Variants in PAPPA2 observed in about 807,000 individuals in gnomAD.
PAPPA2 encodes pappalysin-2.
PAPPA2 carries 86 observed loss-of-function variants against 176.4 expected under a neutral mutation model. The observed-to-expected ratio is 0.49, with a 90% CI of 0.41 to 0.58. The LOEUF (loss-of-function observed/expected upper bound fraction) is 0.58. Among genes scored for constraint, PAPPA2 ranks in the 20% least tolerant of loss-of-function variants. The pLI, the probability that PAPPA2 is intolerant of heterozygous loss-of-function variation, is 0.00. For missense variants in PAPPA2, 2,073 were observed against 2,256.9 expected (o/e 0.92, Z 1.65); for synonymous variants, 809 against 852.2 (o/e 0.95, Z 0.88).
chr1:176,623,673 C>CTTTCTTTCTTTT (rs1558479372), intron 3 of PAPPA2, among the ~76,000 whole-genome samples: 2 of 113,356 alleles, frequency 1.8e-5, no homozygotes, highest in Admixed American at 9.2e-5. Context: ...CTTTCTTTTT[C>CTTTCTTTCTTTT]TTTCTTTCTT....
At chr1:176,530,987 T>G (rs775936043) in intron 1 of PAPPA2, among the ~76,000 whole-genome samples, 8 of 152,230 alleles carry the variant, frequency 5.3e-5, no homozygotes, top group African/African-American at 1.9e-4. Flanking sequence ...CATGAAAGTC[T>G]CATTAAGCAC....
chr1:176,841,741 G>T (rs576860942), intron 22 of PAPPA2, among the ~76,000 whole-genome samples: 1 of 152,214 alleles, frequency 6.6e-6, no homozygotes, highest in South Asian at 2.1e-4. Flanking sequence ...AACAATGGGT[G>T]GGTAGATGCA....
At chr1:176,510,362 C>T (rs1648521992) in intron 1 of PAPPA2, among the ~76,000 whole-genome samples, 1 of 152,050 alleles carries the variant, frequency 6.6e-6, no homozygotes, top group African/African-American at 2.4e-5. Flanking sequence ...GAAACTAAAG[C>T]AAACAGAACA....
intron 1 of PAPPA2, among the ~76,000 whole-genome samples, chr1:176,469,800 G>A (rs539367819): frequency 2.6e-5 from 4 of 152,266 alleles, no homozygotes; most frequent in South Asian, 2.1e-4. Flanking sequence ...TCTGGGATGC[G>A]TCAGACACTT....
intron 21 of PAPPA2, among the ~76,000 whole-genome samples, chr1:176,828,594 A>G (rs1666949121): frequency 6.6e-6 from 1 of 152,160 alleles, no homozygotes; most frequent in South Asian, 2.1e-4. Flanking sequence ...ATATGTGTAT[A>G]TAAGTACATA....
At chr1:176,623,647 C>CTTTCT (rs1558479185) in intron 3 of PAPPA2, among the ~76,000 whole-genome samples, 2 of 129,000 alleles carry the variant, frequency 1.6e-5, no homozygotes, top group African/African-American at 6.2e-5. Context: ...TTCTTTCTTT[C>CTTTCT]TTTCTTTCTT....
chr1:176,684,633 T>C (rs957186316), intron 4 of PAPPA2, among the ~76,000 whole-genome samples: 1 of 152,104 alleles, frequency 6.6e-6, no homozygotes, highest in Admixed American at 6.6e-5. Context: ...TAAAAATTAA[T>C]GGTTTTGAGT....
In PAPPA2 at chr1:176,840,253, C is replaced by T. The variant is rs377578582; in HGVS notation, c.5283C>T (p.Ser1761=). The change falls in exon 22 of 23, where the codon TCC becomes TCT. Residue 1761 remains serine, a synonymous_variant. Transcript: ENST00000367662. ...ATGACGGGGGAGACTGCTGCTCTTC[C>T]ACACTCTCCTCCAAGAAGGTGAGTG... is the stretch of plus-strand genomic sequence containing the variant. The part of the protein sequence containing the change: ...CHYDGGDCCS[S]TLSSKKVIPF... The T allele has an allele frequency of 7.0e-5, 113 of 1,612,544 alleles. No homozygotes were observed. Among genetic ancestry groups the T allele is most frequent in the Non-Finnish European group, 9.0e-5 (106 of 1,179,000 alleles).
intron 2 of PAPPA2, among the ~76,000 whole-genome samples, chr1:176,560,970 C>A (rs571042904): frequency 6.6e-6 from 1 of 152,170 alleles, no homozygotes; most frequent in African/African-American, 2.4e-5. Flanking sequence ...ATGCAAAGCA[C>A]GGCAAGGCCC....
intron 17 of PAPPA2, among the ~76,000 whole-genome samples, chr1:176,784,503 T>G (rs1247504419): frequency 2.0e-5 from 3 of 152,108 alleles, no homozygotes; most frequent in Non-Finnish European, 4.4e-5. Context: ...ACACATTTGT[T>G]TCTCACAGGT....
chr1:176,615,945 G>A (rs557447504), intron 3 of PAPPA2, among the ~76,000 whole-genome samples: 43 of 152,240 alleles, frequency 2.8e-4, no homozygotes, highest in African/African-American at 9.1e-4. Flanking sequence ...CTTATGTATC[G>A]ATAAGATTCT....
chr1:176,784,074 C>T (rs896297821), intron 17 of PAPPA2, among the ~76,000 whole-genome samples: 31 of 152,154 alleles, frequency 2.0e-4, no homozygotes, highest in Admixed American at 2.0e-3. Context: ...TTGGGTAAAT[C>T]GCTTCATGGT....
chr1:176,840,007 T>G (rs981832286), intron 21 of PAPPA2, among the ~76,000 whole-genome samples, 166 bp from the exon 22 acceptor site: 1 of 152,112 alleles, frequency 6.6e-6, no homozygotes, highest in African/African-American at 2.4e-5. Context: ...GTCTTGAGAT[T>G]TTTTCAACTT....
intron 3 of PAPPA2, among the ~76,000 whole-genome samples, chr1:176,619,081 C>G (rs1655438837): frequency 6.6e-6 from 1 of 152,064 alleles, no homozygotes; most frequent in South Asian, 2.1e-4. Context: ...TGGTATCACC[C>G]AGGTAAACCA....
At chr1:176,565,359 C>T (rs376815158) in intron 2 of PAPPA2, among the ~76,000 whole-genome samples, 4 of 152,272 alleles carry the variant, frequency 2.6e-5, no homozygotes, top group African/African-American at 9.6e-5. Flanking sequence ...TAGTAATCCT[C>T]ATGAATGCAT....
At chr1:176,631,313 T>C (rs966182226) in intron 3 of PAPPA2, among the ~76,000 whole-genome samples, 1 of 152,174 alleles carries the variant, frequency 6.6e-6, no homozygotes, top group Non-Finnish European at 1.5e-5. Flanking sequence ...ATTCCACTTA[T>C]ATTACATACC....
intron 1 of PAPPA2, among the ~76,000 whole-genome samples, chr1:176,501,299 A>G (rs1647948756): frequency 6.6e-6 from 1 of 152,148 alleles, no homozygotes; most frequent in Non-Finnish European, 1.5e-5. Flanking sequence ...TATCACGTTT[A>G]ACAATTAGTC....
chr1:176,840,135 A>G, intron 21 of PAPPA2, 38 bp from the exon 22 acceptor site: 1 of 1,487,622 alleles, frequency 6.7e-7, no homozygotes, highest in African/African-American at 1.4e-5. Flanking sequence ...AGACATAATA[A>G]GGCTATACTG....
intron 1 of PAPPA2, among the ~76,000 whole-genome samples, chr1:176,541,900 T>C (rs188643808): frequency 5.9e-5 from 9 of 152,356 alleles, no homozygotes; most frequent in Admixed American, 3.9e-4. Context: ...GGAGCTGTTG[T>C]AGTCATGCTG....
Sources: allele counts gnomAD v4.1 joint callset (sites outside exome capture counted in the v4.1 genomes callset), GRCh38; gene constraint gnomAD v4.1.1; transcripts MANE v1.5; gene names NCBI Gene and HGNC (gene_info 2026-07-23, HGNC 2026-07-21).